TMEM232: variants seen among roughly 807,000 people sequenced by gnomAD.
TMEM232 encodes the protein transmembrane protein 232.
Under a neutral mutation model 78.8 loss-of-function variants are expected in TMEM232, and 80 were observed. The ratio of observed to expected loss-of-function variants is 1.01; its 90% CI spans 0.85 to 1.22. The LOEUF is 1.22. Ranked by LOEUF, TMEM232 falls within the 50% of genes most tolerant of loss-of-function variation. The pLI, the probability that TMEM232 is intolerant of heterozygous loss-of-function variation, is 0.00. For missense variants in TMEM232, 881 were observed against 742.2 expected (o/e 1.19, Z -2.17); for synonymous variants, 297 against 254.3 (o/e 1.17, Z -1.60).
In TMEM232 at chr5:110,458,641, A is replaced by AGG. The variant is rs569168268; in HGVS notation, c.1704-33726_1704-33725insCC. ...CTCATGGAAGTCTCTACCTGCTTTT[A>AGG]ACCACTCAGTTGAAATCCATTCATT... is the stretch of plus-strand genomic sequence containing the variant. On this transcript the variant is annotated intron_variant, in intron 12 of 13. Coordinates refer to ENST00000455884, the MANE Select transcript of TMEM232 (RefSeq NM_001039763.4). Among the ~76,000 whole-genome samples, 43 of 152,284 alleles carry AGG rather than the reference A, an allele frequency of 2.8e-4. No individual in the cohort carries two copies. In the East Asian group the frequency reaches 7.7e-3, roughly 27 times the overall value.
chr5:110,722,998 G>A (rs1797802155), intron 1 of TMEM232, among the ~76,000 whole-genome samples: 1 of 152,002 alleles, frequency 6.6e-6, no homozygotes, highest in African/African-American at 2.4e-5. Flanking sequence ...GTCTTATTTT[G>A]GCATTAGGGT....
At position 110,627,858 on chromosome 5, in the gene TMEM232, C is replaced by T. The variant is rs780401945; in HGVS notation, c.524G>A (p.Arg175Gln). 52 of 1,530,522 alleles carry T rather than the reference C, an allele frequency of 3.4e-5. No individual in the cohort carries two copies. In the Middle Eastern group the frequency reaches 5.0e-4, roughly 15 times the overall value. The allele number at this position is 1,530,522 out of a possible 1,614,324, so 94.8% of individuals were successfully genotyped here. A position where few individuals can be genotyped will look rare whatever the true frequency, so the allele number is the denominator to read the frequency against. The change falls in exon 6 of 14, where the codon CGA becomes CAA. Residue 175 changes from arginine (R) to glutamine (Q), a missense_variant. Arg to Gln is a conservative substitution (Grantham distance 43, BLOSUM62 1). Transcript: ENST00000455884. ...ACCATGCAGGAAAAATATAAAAAGT[C>T]GTAAGAAGACCAAATAGCCAATCTG... ...LAKIGYLVFL[R>Q]LFIFFLHGHL...
intron 2 of TMEM232, among the ~76,000 whole-genome samples, chr5:110,655,193 G>C (rs373468347): frequency 0.024 from 3,696 of 151,482 alleles, 48 homozygotes; most frequent in African/African-American, 0.033. Context: ...ACAATGAACT[G>C]AAACAAATTT....
At chr5:110,481,437 T>C (rs10434750) in intron 12 of TMEM232, among the ~76,000 whole-genome samples, 17,377 of 152,066 alleles carry the variant, frequency 0.11, 1,202 homozygotes, top group South Asian at 0.2. Context: ...ATGAATAAAT[T>C]GGCCACTGGG....
chr5:110,738,954 T>C, upstream of TMEM232: 1 of 1,440,948 alleles, frequency 6.9e-7, no homozygotes, highest in Non-Finnish European at 9.1e-7. Context: ...CGGAAGAGGC[T>C]ATAATCACGT....
intron 3 of TMEM232, among the ~76,000 whole-genome samples, chr5:110,392,360 A>C (rs949300692): frequency 6.6e-6 from 1 of 152,228 alleles, no homozygotes; most frequent in Admixed American, 6.5e-5. Context: ...TAAACGGATA[A>C]AAATGATTTG....
chr5:110,610,886 G>T lies in TMEM232; in HGVS notation c.903-4599C>A, dbSNP rs367784069. Among the ~76,000 whole-genome samples the T allele has an allele frequency of 3.9e-5, 6 of 152,164 alleles. No individual in the cohort carries two copies. The South Asian group carries it at 1.2e-3, about 32-fold the overall frequency. On this transcript the variant is annotated intron_variant, in intron 8 of 13. Coordinates refer to ENST00000455884, the MANE Select transcript of TMEM232 (RefSeq NM_001039763.4). Reference sequence around the variant, plus strand: ...GGTGATAAATGTTATAGCCAGCCAAGGTTCGTATATAATCTTGGCCTTACC... The same window carrying T: ...GGTGATAAATGTTATAGCCAGCCAATGTTCGTATATAATCTTGGCCTTACC...
chr5:110,607,554 G>T (rs1781671325), intron 8 of TMEM232, among the ~76,000 whole-genome samples: 1 of 151,846 alleles, frequency 6.6e-6, no homozygotes, highest in African/African-American at 2.4e-5. Flanking sequence ...GTGATTACAT[G>T]AGTGTATACA....
intron 2 of TMEM232, 32 bp downstream of exon 2, chr5:110,667,196 C>T (rs938131735): frequency 3.3e-6 from 5 of 1,497,160 alleles, no homozygotes; most frequent in Non-Finnish European, 4.5e-6. Flanking sequence ...CTCTACAATA[C>T]ATATGGGTCC....
chr5:110,504,699 A>C (rs543652698), intron 12 of TMEM232, among the ~76,000 whole-genome samples: 1 of 152,346 alleles, frequency 6.6e-6, no homozygotes, highest in South Asian at 2.1e-4. Flanking sequence ...GTTCTGCTTT[A>C]CTCACAGAAG....
chr5:110,699,055 C>T (rs1184682419), intron 1 of TMEM232, among the ~76,000 whole-genome samples: 1 of 136,832 alleles, frequency 7.3e-6, no homozygotes, highest in Non-Finnish European at 1.5e-5. Flanking sequence ...CAAAAACAAA[C>T]AAAACAAAAC....
At chr5:110,517,417 C>T (rs1367983704) in intron 12 of TMEM232, among the ~76,000 whole-genome samples, 1 of 152,172 alleles carries the variant, frequency 6.6e-6, no homozygotes, top group Non-Finnish European at 1.5e-5. Context: ...TTTAAATTTG[C>T]TTTTACACAA....
chr5:110,398,621 G>A (rs1213580663), intron 2 of TMEM232, among the ~76,000 whole-genome samples: 1 of 152,244 alleles, frequency 6.6e-6, no homozygotes, highest in Admixed American at 6.5e-5. Context: ...AGATTGTAAA[G>A]GGTATAAGAA....
chr5:110,525,022 C>A (rs1337131880), intron 12 of TMEM232, among the ~76,000 whole-genome samples: 1 of 151,980 alleles, frequency 6.6e-6, no homozygotes, highest in Non-Finnish European at 1.5e-5. Flanking sequence ...TTTTAGCCTA[C>A]ATGTCCTTAA....
intron 2 of TMEM232, among the ~76,000 whole-genome samples, chr5:110,409,236 C>T (rs776525838): frequency 2.6e-5 from 4 of 152,248 alleles, no homozygotes; most frequent in South Asian, 2.1e-4. Flanking sequence ...TCTGTCTGCA[C>T]ACAAACTCTT....
intron 1 of TMEM232, among the ~76,000 whole-genome samples, chr5:110,677,925 C>G (rs573309339): frequency 6.6e-6 from 1 of 152,096 alleles, no homozygotes; most frequent in Non-Finnish European, 1.5e-5. Flanking sequence ...GCAAAGAATA[C>G]TATTGAAATT....
chr5:110,508,821 C>T (rs2149462957), intron 12 of TMEM232, among the ~76,000 whole-genome samples: 1 of 144,686 alleles, frequency 6.9e-6, no homozygotes, highest in Middle Eastern at 3.6e-3. Context: ...AGGAAATACA[C>T]AATGCCACTG....
At chr5:110,592,634 A>G (rs1215785499) in intron 10 of TMEM232, among the ~76,000 whole-genome samples, 1 of 152,212 alleles carries the variant, frequency 6.6e-6, no homozygotes, top group Non-Finnish European at 1.5e-5. Flanking sequence ...AACATAAGAA[A>G]GACATCAGTG....
chr5:110,612,749 A>G (rs1782467561), intron 8 of TMEM232, among the ~76,000 whole-genome samples: 1 of 152,168 alleles, frequency 6.6e-6, no homozygotes, highest in Non-Finnish European at 1.5e-5. Context: ...GGAAGATATA[A>G]TTTTACGTCA....
Sources: gnomAD v4.1 joint callset for allele counts (sites outside exome capture counted in the v4.1 genomes callset) on GRCh38, gnomAD v4.1.1 for gene constraint, MANE v1.5 for transcripts, NCBI Gene and HGNC (gene_info 2026-07-23, HGNC 2026-07-21) for gene names.